Variants in APC observed in about 807,000 individuals in gnomAD.
The protein encoded by APC is adenomatous polyposis coli protein.
A neutral mutation model predicts 247.0 loss-of-function variants in APC; 72 were observed. The observed-to-expected ratio is 0.29, with a 90% CI of 0.24 to 0.35. APC has a LOEUF of 0.35. APC is among the 10% of genes least tolerant of loss of function. APC has a pLI of 1.00. For synonymous variants in APC, 1,254 were observed against 1,162.5 expected, an observed-to-expected ratio of 1.08 and a Z score of -1.60; for missense variants, 3,400 against 3,360.7, an observed-to-expected ratio of 1.01 and a Z score of -0.29.
At chr5:112,787,597 C>T (rs1759109564) in intron 6 of APC, among the ~76,000 whole-genome samples, 1 of 152,116 alleles carries the variant, frequency 6.6e-6, no homozygotes, top group Non-Finnish European at 1.5e-5. Flanking sequence ...GGTTTTCTTT[C>T]TAAGTTACTT....
intron 8 of APC, 75 bp downstream of exon 8, chr5:112,801,458 A>G (rs539167973): frequency 1.2e-5 from 13 of 1,104,322 alleles, no homozygotes; most frequent in Non-Finnish European, 1.5e-5. Context: ...TGGTTCTAAG[A>G]ATGATCTATA....
chr5:112,721,596 T>C (rs563293512), intron 1 of APC, among the ~76,000 whole-genome samples: 1 of 152,214 alleles, frequency 6.6e-6, no homozygotes, highest in African/African-American at 2.4e-5. Context: ...GTAATCCACG[T>C]AGACTTTGAA....
In APC at chr5:112,835,121, A is replaced by G. The variant is rs587781405; in HGVS notation, c.1914A>G (p.Ile638Met). 2.5e-6 allele frequency: 4 copies of G among 1,614,154 alleles called. No homozygotes were observed. Among genetic ancestry groups the G allele is most frequent in the South Asian group, 1.1e-5 (1 of 91,082 alleles). ...CCATTATTGAAAGTGGAGGTGGGAT[A>G]TTACGGAATGTGTCCAGCTTGATAG... ...TLAIIESGGG[I>M]LRNVSSLIAT... Residue 638 changes from isoleucine to methionine, a missense_variant, in exon 15 of 16, where the codon ATA becomes ATG. Ile to Met is a conservative substitution (Grantham distance 10). Transcript: ENST00000257430.
At position 112,820,210 on chromosome 5, in the gene APC, C is replaced by A. The variant is rs536433649; in HGVS notation, c.1312+866C>A. 4.4e-4 allele frequency among the ~76,000 whole-genome samples: 67 copies of A among 152,052 alleles called. No individual in the cohort carries two copies. The South Asian group carries it at 0.01, about 23-fold the overall frequency. On this transcript the variant is annotated intron_variant, in intron 10 of 15. Transcript: ENST00000257430. ...ACACACACACACACACACACACACA[C>A]ACACACGTGCACTACAAGTAGATGA...
At chr5:112,741,569 G>T (rs1020533639) in intron 1 of APC, among the ~76,000 whole-genome samples, 1 of 152,096 alleles carries the variant, frequency 6.6e-6, no homozygotes, top group African/African-American at 2.4e-5. Context: ...ATCATTTTGT[G>T]AGTCTGTTTT....
At chr5:112,709,232 G>A (rs1750709717) in intron 1 of APC, among the ~76,000 whole-genome samples, 1 of 152,132 alleles carries the variant, frequency 6.6e-6, no homozygotes. Context: ...TAACGTGTGG[G>A]TTATAAATAG....
intron 2 of APC, among the ~76,000 whole-genome samples, chr5:112,759,213 T>G (rs1031786948): frequency 4.6e-5 from 7 of 152,148 alleles, no homozygotes; most frequent in African/African-American, 1.7e-4. Flanking sequence ...GAAAAGCATC[T>G]TTAATTATGA....
At chr5:112,746,618 A>G (rs1249361184) in intron 1 of APC, among the ~76,000 whole-genome samples, 1 of 152,212 alleles carries the variant, frequency 6.6e-6, no homozygotes, top group African/African-American at 2.4e-5. Context: ...TATACAAAAA[A>G]GTGCTATTTA....
chr5:112,719,935 A>G (rs763056918), intron 1 of APC, among the ~76,000 whole-genome samples: 1 of 152,196 alleles, frequency 6.6e-6, no homozygotes, highest in Admixed American at 6.5e-5. Context: ...TTACATCTCA[A>G]GGACAAAATA....
chr5:112,845,729 C>A lies in APC; in HGVS notation c.*1603C>A, dbSNP rs1766928482. On this transcript the variant is annotated 3_prime_UTR_variant, in exon 16 of 16. Coordinates refer to ENST00000257430, the MANE Select transcript of APC (RefSeq NM_000038.6). ...TCCTTCCTGAAGGAAAATAAACTGA[C>A]ACTTATTAACTAAGATAATTTACTT... 2 of 232,076 alleles carry A rather than the reference C, an allele frequency of 8.6e-6. No homozygotes were observed. The highest frequency in any genetic ancestry group is 1.2e-4 in the East Asian group (2 of 16,410). The allele number at this position is 232,076 out of a possible 1,614,324, so 14.4% of individuals were successfully genotyped here. A position where few individuals can be genotyped will look rare whatever the true frequency, so the allele number is the denominator to read the frequency against.
chr5:112,765,004 T>G (rs1366343687), intron 2 of APC, among the ~76,000 whole-genome samples: 2 of 152,200 alleles, frequency 1.3e-5, no homozygotes, highest in South Asian at 2.1e-4. Context: ...TGCCCCCACA[T>G]CTACTTACCA....
chr5:112,768,235 G>A (rs1756586792), intron 4 of APC, among the ~76,000 whole-genome samples: 1 of 151,592 alleles, frequency 6.6e-6, no homozygotes, highest in Non-Finnish European at 1.5e-5. Flanking sequence ...TAGAGACAGT[G>A]TTTCACCATG....
chr5:112,772,701 G>C (rs1328462692), intron 4 of APC, among the ~76,000 whole-genome samples: 1 of 151,986 alleles, frequency 6.6e-6, no homozygotes. Context: ...ATTTTTAGTA[G>C]AGACGGGGTT....
Position 112,839,894 on chromosome 5 carries a change from A to T in APC, c.4300A>T (p.Ser1434Cys), listed in dbSNP as rs1348975737. 6.2e-7 allele frequency: 1 copy of T among 1,614,130 alleles called. No homozygotes were observed. Among genetic ancestry groups the T allele is most frequent in the Admixed American group, 1.7e-5 (1 of 60,016 alleles). ...TAGCCCTGGACAAACCATGCCACCA[A>T]GCAGAAGTAAAACACCTCCACCACC... is the stretch of plus-strand genomic sequence containing the variant. ...PDSPGQTMPP[S>C]RSKTPPPPPQ... The change falls in exon 16 of 16, where the codon AGC becomes TGC. Residue 1434 changes from serine (S) to cysteine (C), a missense_variant. Around this residue, in one of 9 missense-constraint regions of APC, gnomAD observed 1,788 missense variants for 1,649.5 expected, o/e 1.08. Coordinates refer to ENST00000257430, the MANE Select transcript of APC (RefSeq NM_000038.6). The surrounding 1 kb of genome is among the most constrained non-coding windows in gnomAD (Gnocchi z 5.0).
At chr5:112,732,153 A>G (rs1204977182) in intron 1 of APC, among the ~76,000 whole-genome samples, 2 of 152,228 alleles carry the variant, frequency 1.3e-5, no homozygotes, top group Non-Finnish European at 2.9e-5. Flanking sequence ...GCTTTTTGAC[A>G]GGAAGAAGTA....
Position 112,845,826 on chromosome 5 carries a change from T to A in APC, c.*1700T>A, listed in dbSNP as rs1472145363. 1 of 232,158 alleles carries A rather than the reference T, an allele frequency of 4.3e-6. No individual in the cohort carries two copies. Among genetic ancestry groups the A allele is most frequent in the Non-Finnish European group, 8.5e-6 (1 of 117,478 alleles). The allele number at this position is 232,158 out of a possible 1,614,324, so 14.4% of individuals were successfully genotyped here. On this transcript the variant is annotated 3_prime_UTR_variant, in exon 16 of 16. Transcript: ENST00000257430. ...GATACATGCATACATATTTGTTGAA[T>A]AAATGAAAATTTATTTTTAGTGATA...
At position 112,840,197 on chromosome 5, in the gene APC, A is replaced by C; in HGVS notation, c.4603A>C (p.Asn1535His). The C allele has an allele frequency of 6.2e-7, 1 of 1,614,192 alleles. No homozygotes were observed. The highest frequency in any genetic ancestry group is 1.1e-5 in the South Asian group (1 of 91,086). The change falls in exon 16 of 16, where the codon AAT becomes CAT. Residue 1535 changes from asparagine to histidine, a missense_variant. Asn to His is a moderately conservative substitution (Grantham distance 68). Coordinates refer to ENST00000257430, the MANE Select transcript of APC (RefSeq NM_000038.6). The surrounding 1 kb of genome is among the most constrained non-coding windows in gnomAD (Gnocchi z 4.1). Reference sequence around the variant, plus strand: ...TCCAGTTCAGGAAAATGACAATGGGAATGAAACAGAATCAGAGCAGCCTAA... The same window carrying C: ...TCCAGTTCAGGAAAATGACAATGGGCATGAAACAGAATCAGAGCAGCCTAA... Reference protein sequence around the residue: ...MPPVQENDNGNETESEQPKES... With the variant: ...MPPVQENDNGHETESEQPKES...
chr5:112,812,948 G>T (rs559400868), intron 8 of APC, among the ~76,000 whole-genome samples: 3 of 152,120 alleles, frequency 2.0e-5, no homozygotes, highest in Non-Finnish European at 4.4e-5. Context: ...CCCTAAGGAG[G>T]ATTACTAATT....
rs730882125 is a variant in APC at position 112,839,218 on chromosome 5, C to T, written c.3624C>T (p.Thr1208=). 140 of 1,613,904 alleles carry T rather than the reference C, an allele frequency of 8.7e-5. No homozygotes were observed. Among genetic ancestry groups the T allele is most frequent in the Middle Eastern group, 1.6e-4 (1 of 6,084 alleles). Residue 1208 remains threonine (T), a synonymous_variant, in exon 16 of 16, where the codon ACC becomes ACT. Transcript: ENST00000257430. The surrounding 1 kb of genome is among the most constrained non-coding windows in gnomAD (Gnocchi z 5.0). ...SKSSSGQSSK[T]EHMSSSSENT... Reference sequence around the variant, plus strand: ...GTTCATCTGGACAAAGCAGTAAAACCGAACATATGTCTTCAAGCAGTGAGA... The same window carrying T: ...GTTCATCTGGACAAAGCAGTAAAACTGAACATATGTCTTCAAGCAGTGAGA...
Sources: allele counts gnomAD v4.1 joint callset (sites outside exome capture counted in the v4.1 genomes callset), GRCh38; gene constraint gnomAD v4.1.1; regional missense constraint gnomAD v4.1.1; non-coding constraint Gnocchi (gnomAD v3.1); transcripts MANE v1.5; gene names NCBI Gene and HGNC (gene_info 2026-07-23, HGNC 2026-07-21).